The following COL5A2 variants were observed in gnomAD, a reference collection of about 807,000 sequenced individuals.
COL5A2 encodes collagen type V alpha 2 chain, also known as collagen alpha-2(V) chain.
A neutral mutation model predicts 208.2 loss-of-function variants in COL5A2; 23 were observed. The observed-to-expected ratio is 0.11, with a 90% CI of 0.08 to 0.16. The LOEUF (loss-of-function observed/expected upper bound fraction) is 0.16, where lower values mean the gene tolerates loss of function less well. Among genes scored for constraint, COL5A2 ranks in the 10% least tolerant of loss-of-function variants. The pLI is 1.00. For missense variants in COL5A2, 1,590 were observed against 1,956.4 expected (o/e 0.81, Z 3.53); for synonymous variants, 625 against 628.5 (o/e 0.99, Z 0.08).
rs751389982 is a variant in COL5A2, at chr2:189,075,488, T to C, written c.1060-51A>G. 8 of 1,396,176 alleles carry C rather than the reference T, an allele frequency of 5.7e-6. No homozygotes were observed. The East Asian group carries it at 9.2e-5, about 16-fold the overall frequency. The allele number at this position is 1,396,176 out of a possible 1,614,324, so 86.5% of individuals were successfully genotyped here. On this transcript the variant is annotated intron_variant, in intron 16 of 53. Coordinates refer to ENST00000374866, the MANE Select transcript of COL5A2 (RefSeq NM_000393.5). ...CAGGATAAGATTACATTTTAGACTA[T>C]ATTTTCTCTTATTTGCCTTATAAAA...
chr2:189,138,724 C>A (rs960040927), intron 1 of COL5A2, among the ~76,000 whole-genome samples: 2 of 152,040 alleles, frequency 1.3e-5, no homozygotes, highest in African/African-American at 4.8e-5. Context: ...AGTACATACA[C>A]ACAAAAAAGC....
chr2:189,193,459 T>G (rs966459067), intron 1 of COL5A2, among the ~76,000 whole-genome samples: 1 of 152,218 alleles, frequency 6.6e-6, no homozygotes, highest in African/African-American at 2.4e-5. Flanking sequence ...ATATATAAAC[T>G]ATAAATGATC....
the COL5A2 span, among the ~76,000 whole-genome samples, chr2:189,334,106 G>T: frequency 3.3e-5 from 5 of 151,584 alleles, no homozygotes; most frequent in Non-Finnish European, 7.4e-5. Context: ...ATTAGGAATA[G>T]ATAGGAATTG....
chr2:189,390,912 A>C, the COL5A2 span, among the ~76,000 whole-genome samples: 1 of 152,332 alleles, frequency 6.6e-6, no homozygotes, highest in East Asian at 1.9e-4. Context: ...AACTTGAATT[A>C]TTTACATGTT....
chr2:189,243,515 G>A, the COL5A2 span, among the ~76,000 whole-genome samples: 1 of 152,102 alleles, frequency 6.6e-6, no homozygotes, highest in Non-Finnish European at 1.5e-5. Flanking sequence ...TCACTATTAT[G>A]AGAACAACAT....
rs144616972 is a variant in COL5A2, at chr2:189,216,190, A to G, written c.-42+8958T>C. Reference sequence around the variant, plus strand: ...TGTAATAATATCAATATAATTTGCAAAATGAAAATAATATTTTTCTTCTCA... The same window carrying G: ...TGTAATAATATCAATATAATTTGCAGAATGAAAATAATATTTTTCTTCTCA... On this transcript the variant is annotated intron_variant, in intron 1 of 10. Transcript: ENST00000649966. Among the ~76,000 whole-genome samples, 976 of 152,322 alleles carry G rather than the reference A, an allele frequency of 6.4e-3. 11 individuals carry two copies. The highest frequency in any genetic ancestry group is 0.022 in the African/African-American group (910 of 41,576).
intron 6 of COL5A2, 40 bp from the exon 7 acceptor site, chr2:189,092,460 A>G: frequency 1.6e-6 from 2 of 1,213,592 alleles, no homozygotes; most frequent in Non-Finnish European, 2.4e-6. Flanking sequence ...CCACTGCCAA[A>G]TATACACTTA....
rs1177919150 is a variant in COL5A2 at position 189,057,541 on chromosome 2, T to C, written c.2230-114A>G. 4.0e-6 allele frequency: 3 copies of C among 756,850 alleles called. No individual in the cohort carries two copies. In the African/African-American group the frequency reaches 5.2e-5, roughly 13 times the overall value. The allele number at this position is 756,850 out of a possible 1,614,324, so 46.9% of individuals were successfully genotyped here. A position where few individuals can be genotyped will look rare whatever the true frequency, so the allele number is the denominator to read the frequency against. The stretch of plus-strand genomic sequence containing the variant: ...AGCAATTTCATGTAGTTCAACTTAG[T>C]GCTTATATTTTTCATCTGAGAAAGT... On this transcript the variant is annotated intron_variant, in intron 33 of 53. Transcript: ENST00000374866.
the COL5A2 span, among the ~76,000 whole-genome samples, chr2:189,322,202 C>T: frequency 6.6e-6 from 1 of 152,016 alleles, no homozygotes; most frequent in Non-Finnish European, 1.5e-5. Flanking sequence ...ATTTATAGCA[C>T]TAAATACCCA....
intron 1 of COL5A2, among the ~76,000 whole-genome samples, chr2:189,119,480 C>A (rs183508051): frequency 3.9e-5 from 6 of 152,122 alleles, no homozygotes; most frequent in African/African-American, 1.4e-4. Flanking sequence ...TGCTATTTTC[C>A]TTAACAAGTA....
the COL5A2 span, among the ~76,000 whole-genome samples, chr2:189,257,582 T>C: frequency 2.6e-5 from 4 of 152,154 alleles, no homozygotes; most frequent in South Asian, 2.1e-4. Flanking sequence ...TTACCACAGG[T>C]GTAACAACAA....
At chr2:189,333,796 C>T in the COL5A2 span, among the ~76,000 whole-genome samples, 2 of 152,018 alleles carry the variant, frequency 1.3e-5, no homozygotes, top group Non-Finnish European at 2.9e-5. Flanking sequence ...TGCTGACACA[C>T]TGATGTCAGA....
chr2:189,296,416 C>T, the COL5A2 span, among the ~76,000 whole-genome samples: 2 of 152,154 alleles, frequency 1.3e-5, no homozygotes, highest in African/African-American at 4.8e-5. Context: ...ATTCTACTAA[C>T]ATCTATGTCT....
At position 189,163,469 on chromosome 2, in the gene COL5A2, T is replaced by C. The variant is rs538711865; in HGVS notation, c.97+16039A>G. Among the ~76,000 whole-genome samples the C allele has an allele frequency of 7.2e-5, 11 of 152,366 alleles. No homozygotes were observed. In the South Asian group the frequency reaches 2.3e-3, roughly 32 times the overall value. Reference sequence around the variant, plus strand: ...ATATCAGATTATTTTGAATTTTTTTTACAATCATCTTTTATAACAGCATCT... The same window carrying C: ...ATATCAGATTATTTTGAATTTTTTTCACAATCATCTTTTATAACAGCATCT... On this transcript the variant is annotated intron_variant, in intron 1 of 53. Transcript: ENST00000374866.
intron 1 of COL5A2, among the ~76,000 whole-genome samples, chr2:189,218,919 T>G (rs963215185): frequency 1.3e-5 from 2 of 152,158 alleles, no homozygotes; most frequent in African/African-American, 4.8e-5. Context: ...ATTTGAAGGA[T>G]GAAAACAGTA....
the COL5A2 span, chr2:189,311,783 C>A: frequency 1.2e-6 from 1 of 867,174 alleles, no homozygotes. Flanking sequence ...GCCAGCTCAT[C>A]ACATTGGACC....
the COL5A2 span, among the ~76,000 whole-genome samples, chr2:189,415,735 C>T: frequency 5.9e-5 from 9 of 152,202 alleles, no homozygotes; most frequent in African/African-American, 1.4e-4. Context: ...CCTCGCCTCA[C>T]TGCAAGCTCC....
At chr2:189,157,511 T>C (rs1330742669) in intron 1 of COL5A2, among the ~76,000 whole-genome samples, 3 of 151,996 alleles carry the variant, frequency 2.0e-5, no homozygotes, top group Non-Finnish European at 4.4e-5. Flanking sequence ...AGTTCTGTTA[T>C]CTTCTAGAGA....
chr2:189,062,415 C>T (rs901152888), intron 29 of COL5A2, among the ~76,000 whole-genome samples: 4 of 151,992 alleles, frequency 2.6e-5, no homozygotes, highest in Non-Finnish European at 4.4e-5. Flanking sequence ...AACTCCTGAC[C>T]TCAGGTAATC....
Sources: allele counts gnomAD v4.1 joint callset (sites outside exome capture counted in the v4.1 genomes callset), GRCh38; gene constraint gnomAD v4.1.1; transcripts MANE v1.5; gene names NCBI Gene and HGNC (gene_info 2026-07-23, HGNC 2026-07-21).